CNTN5: variants seen among roughly 807,000 people sequenced by gnomAD.
CNTN5 encodes the protein contactin-5.
A neutral mutation model predicts 129.1 loss-of-function variants in CNTN5; 77 were observed. The ratio of observed to expected loss-of-function variants is 0.60; its 90% CI spans 0.50 to 0.72. The LOEUF (loss-of-function observed/expected upper bound fraction) is 0.72. Ranked by LOEUF, CNTN5 falls within the 30% of genes least tolerant of loss-of-function variation. The probability of loss-of-function intolerance (pLI) is 0.00; values close to 1 mark genes in which losing one functional copy is unlikely to be tolerated. For missense variants in CNTN5, 1,478 were observed against 1,328.8 expected (o/e 1.11, Z -1.75); for synonymous variants, 509 against 465.6 (o/e 1.09, Z -1.20).
chr11:100,158,391 A>G (rs1947328302), intron 13 of CNTN5, among the ~76,000 whole-genome samples: 1 of 151,876 alleles, frequency 6.6e-6, no homozygotes, highest in African/African-American at 2.4e-5. Flanking sequence ...TGCGCTACAC[A>G]CACAAAATAA....
At chr11:99,963,536 T>C (rs1207839090) in intron 8 of CNTN5, among the ~76,000 whole-genome samples, 1 of 152,238 alleles carries the variant, frequency 6.6e-6, no homozygotes, top group African/African-American at 2.4e-5. Context: ...TTGATACTAG[T>C]ACCATGCTGT....
intron 1 of CNTN5, among the ~76,000 whole-genome samples, chr11:99,076,376 G>T (rs969913844): frequency 1.3e-5 from 2 of 151,850 alleles, no homozygotes; most frequent in South Asian, 2.1e-4. Flanking sequence ...CTTTACTTTT[G>T]AGGAGAAGCT....
chr11:100,058,070 A>G (rs938854954), intron 9 of CNTN5, among the ~76,000 whole-genome samples: 1 of 152,140 alleles, frequency 6.6e-6, no homozygotes, highest in Non-Finnish European at 1.5e-5. Flanking sequence ...ATATGTAACC[A>G]GCTGTGATTA....
At chr11:99,848,200 A>G (rs1362044048) in intron 6 of CNTN5, among the ~76,000 whole-genome samples, 1 of 152,066 alleles carries the variant, frequency 6.6e-6, no homozygotes, top group African/African-American at 2.4e-5. Flanking sequence ...ACAAAGCGAG[A>G]CTCCTTCTCA....
At chr11:100,342,544 A>T (rs1952189093) in intron 23 of CNTN5, among the ~76,000 whole-genome samples, 1 of 152,136 alleles carries the variant, frequency 6.6e-6, no homozygotes, top group Non-Finnish European at 1.5e-5. Flanking sequence ...AACTAGAAAA[A>T]TACTCTATTG....
rs986194764 is a variant in CNTN5, at chr11:99,103,888, G to A, written c.-210+82618G>A. Among the ~76,000 whole-genome samples, 3 of 152,102 alleles carry A rather than the reference G, an allele frequency of 2.0e-5. No individual in the cohort carries two copies. The East Asian group carries it at 5.8e-4, about 29-fold the overall frequency. On this transcript the variant is annotated intron_variant, in intron 1 of 24. Transcript: ENST00000524871. ...AAAATGCATGAAGCCACCAGAAGGT[G>A]GAAGAGTCAAGGAAAATTCTCCTCT...
chr11:99,399,825 T>G (rs962891175), intron 2 of CNTN5, among the ~76,000 whole-genome samples: 1 of 151,980 alleles, frequency 6.6e-6, no homozygotes, highest in African/African-American at 2.4e-5. Flanking sequence ...TTTTTATTTT[T>G]AATTTCTTTG....
chr11:99,370,673 T>C (rs975338640), intron 2 of CNTN5, among the ~76,000 whole-genome samples: 1 of 152,210 alleles, frequency 6.6e-6, no homozygotes, highest in East Asian at 1.9e-4. Context: ...AGAAATGGAA[T>C]AGATACCCTC....
At chr11:99,900,977 A>G (rs1726421260) in intron 6 of CNTN5, among the ~76,000 whole-genome samples, 1 of 152,174 alleles carries the variant, frequency 6.6e-6, no homozygotes, top group African/African-American at 2.4e-5. Flanking sequence ...CTCTGGCATC[A>G]GACATCCTAC....
At chr11:99,940,697 A>C (rs1181838514) in intron 7 of CNTN5, among the ~76,000 whole-genome samples, 2 of 152,132 alleles carry the variant, frequency 1.3e-5, no homozygotes, top group Non-Finnish European at 2.9e-5. Context: ...AAATTTTGGC[A>C]GTCTTAGCTG....
chr11:99,101,166 G>A (rs895565453), intron 1 of CNTN5, among the ~76,000 whole-genome samples: 8 of 152,118 alleles, frequency 5.3e-5, no homozygotes, highest in African/African-American at 1.9e-4. Flanking sequence ...GATCTTGTGA[G>A]ACTTATTCAC....
intron 1 of CNTN5, among the ~76,000 whole-genome samples, chr11:99,263,288 A>G (rs1033275959): frequency 2.6e-5 from 4 of 152,056 alleles, no homozygotes; most frequent in African/African-American, 9.7e-5. Context: ...CGGAGAAAAA[A>G]CTATCCTTTT....
chr11:99,906,477 A>G lies in CNTN5; in HGVS notation c.578-9577A>G, dbSNP rs10750420. 6.6e-5 allele frequency among the ~76,000 whole-genome samples: 10 copies of G among 152,268 alleles called. No individual in the cohort carries two copies. The East Asian group carries it at 1.7e-3, about 26-fold the overall frequency. The stretch of plus-strand genomic sequence containing the variant: ...TGCATATGTTGAACCAGCCTTGAAT[A>G]CCAGGGATGAAGCTGATCTGATAAG... On this transcript the variant is annotated intron_variant, in intron 6 of 24. Coordinates refer to ENST00000524871, the MANE Select transcript of CNTN5 (RefSeq NM_014361.4).
At chr11:100,319,088 TA>T (rs1951628893) in intron 21 of CNTN5, among the ~76,000 whole-genome samples, 1 of 151,900 alleles carries the variant, frequency 6.6e-6, no homozygotes, top group Admixed American at 6.6e-5. Flanking sequence ...GGGTCTCCTA[TA>T]GTCATTATCC....
intron 7 of CNTN5, among the ~76,000 whole-genome samples, chr11:99,942,003 C>A (rs2897642): frequency 0.41 from 62,101 of 151,728 alleles, 12,933 homozygotes; most frequent in South Asian, 0.47. Flanking sequence ...TCAGAAAGGG[C>A]TTCATAAACT....
chr11:99,754,973 G>A (rs1944360548), intron 3 of CNTN5, among the ~76,000 whole-genome samples: 1 of 152,002 alleles, frequency 6.6e-6, no homozygotes, highest in Non-Finnish European at 1.5e-5. Context: ...TATTTCCACA[G>A]TTTTGCCTTT....
At chr11:99,493,845 A>G (rs1349668413) in intron 2 of CNTN5, among the ~76,000 whole-genome samples, 3 of 151,612 alleles carry the variant, frequency 2.0e-5, no homozygotes, top group Non-Finnish European at 4.4e-5. Context: ...TATAAATACA[A>G]TATTTAAATT....
chr11:99,285,953 C>T (rs1392637197), intron 1 of CNTN5, among the ~76,000 whole-genome samples: 1 of 149,868 alleles, frequency 6.7e-6, no homozygotes, highest in East Asian at 2.0e-4. Context: ...CAGGAGAATC[C>T]CTTGAACCCA....
intron 3 of CNTN5, among the ~76,000 whole-genome samples, chr11:99,777,666 A>G (rs996458161): frequency 4.6e-5 from 7 of 151,880 alleles, no homozygotes; most frequent in African/African-American, 1.7e-4. Flanking sequence ...GTATATTTCT[A>G]AATTGAAAGC....
Sources: gnomAD v4.1 joint callset for allele counts (sites outside exome capture counted in the v4.1 genomes callset) on GRCh38, gnomAD v4.1.1 for gene constraint, MANE v1.5 for transcripts, NCBI Gene and HGNC (gene_info 2026-07-23, HGNC 2026-07-21) for gene names.